The following ABL1 variants were observed in gnomAD, a reference collection of about 807,000 sequenced individuals.
ABL1 encodes the protein tyrosine-protein kinase ABL1.
In ABL1, 11 loss-of-function variants were observed where a neutral mutation model predicts 94.7. That is an observed-to-expected ratio of 0.12 (90% CI 0.07 to 0.19). The LOEUF (loss-of-function observed/expected upper bound fraction) is 0.19, where lower values mean the gene tolerates loss of function less well. ABL1 is among the 10% of genes least tolerant of loss of function. The pLI, the probability that ABL1 is intolerant of heterozygous loss-of-function variation, is 1.00. For missense variants in ABL1, 1,082 were observed against 1,489.4 expected, an observed-to-expected ratio of 0.73 and a Z score of 4.50; for synonymous variants, 656 against 622.4, an observed-to-expected ratio of 1.05 and a Z score of -0.80.
intron 1 of ABL1, among the ~76,000 whole-genome samples, chr9:130,766,277 G>GCAGGACAGATGCCTTATTGT (rs1564284297): frequency 6.6e-6 from 1 of 152,232 alleles, no homozygotes; most frequent in Non-Finnish European, 1.5e-5. Flanking sequence ...GTCTTGCTGG[G>GCAGGACAGATGCCTTATTGT]CAGGACAGAT....
At chr9:130,840,662 T>G (rs1259655917) in intron 1 of ABL1, among the ~76,000 whole-genome samples, 5 of 152,134 alleles carry the variant, frequency 3.3e-5, no homozygotes, top group Non-Finnish European at 7.4e-5. Flanking sequence ...TCTTTTTTAG[T>G]GTCAATTTTT....
chr9:130,732,834 C>T (rs574500930), intron 1 of ABL1, among the ~76,000 whole-genome samples: 25 of 151,942 alleles, frequency 1.6e-4, no homozygotes, highest in Middle Eastern at 6.8e-3. Flanking sequence ...GCTAGCATGA[C>T]CTTTAAGTCC....
At position 130,862,654 on chromosome 9, in the gene ABL1, A is replaced by G; in HGVS notation, c.550-109A>G. 8.1e-7 allele frequency: 1 copy of G among 1,228,562 alleles called. No individual in the cohort carries two copies. The highest frequency in any genetic ancestry group is 1.5e-5 in the African/African-American group (1 of 66,112). The allele number at this position is 1,228,562 out of a possible 1,614,324, so 76.1% of individuals were successfully genotyped here. A position where few individuals can be genotyped will look rare whatever the true frequency, so the allele number is the denominator to read the frequency against. ...CTCTGTCCTGTGTGGAGAGCTCCTT[A>G]TGTGAGATTTTGCTGTGTAGTGAAT... On this transcript the variant is annotated intron_variant, in intron 3 of 10. Transcript: ENST00000318560. The surrounding 1 kb of genome is among the most constrained non-coding windows in gnomAD (Gnocchi z 5.5).
chr9:130,876,844 C>T (rs1396769180), intron 7 of ABL1, among the ~76,000 whole-genome samples: 2 of 139,846 alleles, frequency 1.4e-5, no homozygotes. Flanking sequence ...TCACGTCATT[C>T]TCCTGCCTCA....
At chr9:130,840,314 G>A (rs555426440) in intron 1 of ABL1, among the ~76,000 whole-genome samples, 7 of 152,198 alleles carry the variant, frequency 4.6e-5, no homozygotes, top group African/African-American at 1.2e-4. Context: ...TGTTATTCCC[G>A]TAGTGAATAT....
At chr9:130,799,994 T>C (rs2132827444) in intron 1 of ABL1, among the ~76,000 whole-genome samples, 1 of 152,168 alleles carries the variant, frequency 6.6e-6, no homozygotes, top group African/African-American at 2.4e-5. Context: ...TGCCTCAGCC[T>C]TCCAAGTAGC....
rs2133023640 is a variant in ABL1 at position 130,880,435 on chromosome 9, AC to A, written c.1514-64del. ...TACCTTACAAAGAAAGAGAACCACC[AC>A]ACCAAGCCAACACCAGTACTGATGG... On this transcript the variant is annotated intron_variant, in intron 9 of 10. Coordinates refer to ENST00000318560, the MANE Select transcript of ABL1 (RefSeq NM_005157.6). This position sits in a 1 kb window ranked among gnomAD's most constrained non-coding sequence, Gnocchi z 4.4. The A allele has an allele frequency of 7.0e-6, 11 of 1,577,052 alleles. No individual in the cohort carries two copies. The highest frequency in any genetic ancestry group is 8.7e-6 in the Non-Finnish European group (10 of 1,155,694).
At chr9:130,798,506 T>C (rs1239689285) in intron 1 of ABL1, among the ~76,000 whole-genome samples, 1 of 152,186 alleles carries the variant, frequency 6.6e-6, no homozygotes, top group Non-Finnish European at 1.5e-5. Flanking sequence ...GAGTGGTATT[T>C]TCCAGCATGG....
At chr9:130,805,669 A>T (rs1030356134) in intron 1 of ABL1, among the ~76,000 whole-genome samples, 3 of 152,202 alleles carry the variant, frequency 2.0e-5, no homozygotes, top group Admixed American at 2.0e-4. Context: ...GAAGACTTAG[A>T]TGCAGGGAAA....
upstream of ABL1, chr9:130,835,056 G>A (rs1348596430): frequency 6.2e-6 from 2 of 323,730 alleles, no homozygotes; most frequent in Non-Finnish European, 1.2e-5. This position sits in a 1 kb window ranked among gnomAD's most constrained non-coding sequence, Gnocchi z 4.6. Flanking sequence ...GACCTCCGCG[G>A]GCCGCGCGCG....
At chr9:130,847,364 T>C (rs1178080870) in intron 1 of ABL1, among the ~76,000 whole-genome samples, 1 of 152,096 alleles carries the variant, frequency 6.6e-6, no homozygotes, top group Admixed American at 6.5e-5. Context: ...AGGGAACTAG[T>C]TGGGGCATCT....
At chr9:130,750,223 A>C (rs1184084250) in intron 1 of ABL1, among the ~76,000 whole-genome samples, 1 of 121,838 alleles carries the variant, frequency 8.2e-6, no homozygotes, top group South Asian at 2.7e-4. Flanking sequence ...ATATATATAT[A>C]TATATATATA....
intron 1 of ABL1, among the ~76,000 whole-genome samples, chr9:130,727,561 G>C (rs1443760057): frequency 6.6e-6 from 1 of 152,040 alleles, no homozygotes; most frequent in Non-Finnish European, 1.5e-5. Context: ...AGGCGTTCAA[G>C]ACCAGCCTGG....
intron 1 of ABL1, among the ~76,000 whole-genome samples, chr9:130,790,237 A>G (rs1467191105): frequency 1.3e-5 from 2 of 152,242 alleles, no homozygotes; most frequent in African/African-American, 4.8e-5. Context: ...ACAGAGCTCT[A>G]TGCTGGCACA....
rs530981724 is a variant in ABL1, at chr9:130,791,119, A to G, written c.137-62945A>G. Among the ~76,000 whole-genome samples, 9 of 152,368 alleles carry G rather than the reference A, an allele frequency of 5.9e-5. No individual in the cohort carries two copies. In the East Asian group the frequency reaches 1.5e-3, roughly 26 times the overall value. ...AACATATCAGTAAACCTGTGAACCT[A>G]TAGAACATCAAAACCAGAAACGATT... is the stretch of plus-strand genomic sequence containing the variant. On this transcript the variant is annotated intron_variant, in intron 1 of 10. Coordinates refer to the ABL1 transcript ENST00000372348.
intron 1 of ABL1, among the ~76,000 whole-genome samples, chr9:130,788,629 T>C (rs1278982959): frequency 6.6e-6 from 1 of 152,216 alleles, no homozygotes; most frequent in Non-Finnish European, 1.5e-5. Flanking sequence ...TAATTTGTCA[T>C]GATCTTTAAT....
Position 130,867,983 on chromosome 9 carries a change from A to G in ABL1, c.823-4146A>G, listed in dbSNP as rs569727365. ...GTTTTTGTTTTTGTTTTTTTGAGAC[A>G]GAGTCTCACTCTGTCACCCAGGCTG... On this transcript the variant is annotated intron_variant, in intron 4 of 10. Transcript: ENST00000318560. 1.5e-4 allele frequency among the ~76,000 whole-genome samples: 23 copies of G among 149,692 alleles called. 3 individuals carry two copies. The South Asian group carries it at 4.9e-3, about 32-fold the overall frequency.
chr9:130,776,441 C>G (rs1832311784), intron 1 of ABL1, among the ~76,000 whole-genome samples: 1 of 152,094 alleles, frequency 6.6e-6, no homozygotes, highest in African/African-American at 2.4e-5. Flanking sequence ...ACTAAAGATA[C>G]AAAAATTATC....
chr9:130,883,520 C>T (rs902798061), intron 10 of ABL1, among the ~76,000 whole-genome samples: 2 of 151,408 alleles, frequency 1.3e-5, no homozygotes, highest in Admixed American at 6.6e-5. Flanking sequence ...ACCACACACA[C>T]GCTTTGGTCT....
Sources: gnomAD v4.1 joint callset for allele counts (sites outside exome capture counted in the v4.1 genomes callset) on GRCh38, gnomAD v4.1.1 for gene constraint, Gnocchi (gnomAD v3.1) non-coding constraint, MANE v1.5 for transcripts, NCBI Gene and HGNC (gene_info 2026-07-23, HGNC 2026-07-21) for gene names.